Variants in ACO2 observed in about 807,000 individuals in gnomAD.
ACO2 encodes the protein aconitase 2.
A neutral mutation model predicts 84.5 loss-of-function variants in ACO2; 31 were observed. The observed-to-expected ratio is 0.37, with a 90% confidence interval of 0.28 to 0.50. The LOEUF (loss-of-function observed/expected upper bound fraction) is 0.50, where lower values mean the gene tolerates loss of function less well. Ranked by LOEUF, ACO2 falls within the 20% of genes least tolerant of loss-of-function variation. The probability of loss-of-function intolerance (pLI) is 0.97; values close to 1 mark genes in which losing one functional copy is unlikely to be tolerated. For synonymous variants in ACO2, 414 were observed against 412.7 expected, an observed-to-expected ratio of 1.00 and a Z score of -0.04; for missense variants, 685 against 1,029.3, an observed-to-expected ratio of 0.67 and a Z score of 4.58.
At chr22:41,528,259 A>G (rs773313296) in intron 17 of ACO2, 1 of 841,562 alleles carries the variant, frequency 1.2e-6, no homozygotes, top group Non-Finnish European at 1.8e-6. Flanking sequence ...CCTGGCACTC[A>G]GGGGACAGCC....
intron 11 of ACO2, among the ~76,000 whole-genome samples, 199 bp downstream of exon 11, chr22:41,523,477 G>A (rs2066544510): frequency 6.6e-6 from 1 of 152,218 alleles, no homozygotes; most frequent in Admixed American, 6.5e-5. Context: ...CAGAGGCACT[G>A]GGGGGCAACT....
chr22:41,527,140 C>A, intron 15 of ACO2, 148 bp from the exon 16 acceptor site: 1 of 1,182,862 alleles, frequency 8.5e-7, no homozygotes, highest in Admixed American at 2.3e-5. Context: ...TGCCCTTAGG[C>A]AGCAGGCGAG....
chr22:41,473,437 G>A (rs1466545120), intron 1 of ACO2, among the ~76,000 whole-genome samples: 7 of 152,190 alleles, frequency 4.6e-5, no homozygotes, highest in Non-Finnish European at 1.0e-4. Context: ...CCAGGAGGTG[G>A]AGGTTGCAGT....
At chr22:41,523,808 C>G (rs1190277919) in intron 11 of ACO2, 22 bp from the exon 12 acceptor site, 1 of 1,601,508 alleles carries the variant, frequency 6.2e-7, no homozygotes, top group African/African-American at 1.3e-5. Context: ...TATCCCTAAC[C>G]CTGATCCCTC....
At chr22:41,523,120 C>T in intron 10 of ACO2, 85 bp from the exon 11 acceptor site, 1 of 1,534,798 alleles carries the variant, frequency 6.5e-7, no homozygotes. Context: ...TCCAGTACAG[C>T]ACTTCGTCCT....
chr22:41,517,457 G>A, intron 6 of ACO2, 70 bp from the exon 7 acceptor site: 2 of 1,228,814 alleles, frequency 1.6e-6, no homozygotes. Context: ...AGATGCAGGT[G>A]GCCGCGTAGC....
intron 1 of ACO2, among the ~76,000 whole-genome samples, chr22:41,490,704 TA>T (rs1383264825): frequency 1.3e-5 from 2 of 152,208 alleles, no homozygotes; most frequent in African/African-American, 4.8e-5. Flanking sequence ...ACAGTCTAAC[TA>T]AAAGCATCTA....
intron 12 of ACO2, among the ~76,000 whole-genome samples, chr22:41,524,451 C>G (rs1422985921): frequency 6.6e-6 from 1 of 152,216 alleles, no homozygotes; most frequent in East Asian, 1.9e-4. Flanking sequence ...TCTGCGTGTT[C>G]TACAAATATG....
chr22:41,527,588 T>C, intron 16 of ACO2, 168 bp downstream of exon 16: 1 of 1,008,598 alleles, frequency 9.9e-7, no homozygotes. Context: ...CATCCGACGC[T>C]CAGCTTCCCG....
In ACO2 at chr22:41,514,477, C is replaced by G. The variant is rs137894469; in HGVS notation, c.526-900C>G. On this transcript the variant is annotated intron_variant, in intron 4 of 17. Transcript: ENST00000216254. The stretch of plus-strand genomic sequence containing the variant: ...GGAAACTGAGCTCCGAGAGAAGTGA[C>G]TTGTCCATGGTCCCACAACAACTAG... 1.7e-3 allele frequency among the ~76,000 whole-genome samples: 266 copies of G among 152,342 alleles called. 3 individuals are homozygous for G. The Middle Eastern group carries it at 0.027, about 16-fold the overall frequency.
intron 1 of ACO2, among the ~76,000 whole-genome samples, chr22:41,474,052 G>C (rs187717040): frequency 6.6e-6 from 1 of 152,258 alleles, no homozygotes; most frequent in South Asian, 2.1e-4. Context: ...GTCAAAAGGA[G>C]GAGGCAGGGA....
In ACO2 at chr22:41,512,155, T is replaced by A; in HGVS notation, c.525+187T>A. On this transcript the variant is annotated intron_variant, in intron 4 of 17. Transcript: ENST00000216254. ...ATTATGTCATTATACGTGCTCATTTTCTGGGTGAGAAGTTAAAATAATACC... is the reference window on the plus strand; with the variant it reads ...ATTATGTCATTATACGTGCTCATTTACTGGGTGAGAAGTTAAAATAATACC... 3 of 513,398 alleles carry A rather than the reference T, an allele frequency of 5.8e-6. No individual in the cohort carries two copies. The South Asian group carries it at 8.0e-5, about 14-fold the overall frequency. 31.8% of individuals were successfully genotyped at this position (513,398 alleles called of 1,614,324 possible).
intron 15 of ACO2, chr22:41,526,762 A>AG (rs1435647399): frequency 5.5e-6 from 2 of 363,926 alleles, no homozygotes; most frequent in Non-Finnish European, 1.0e-5. Context: ...AAGCTCAGAG[A>AG]GGGGGCTACA....
chr22:41,525,424 G>T, intron 14 of ACO2, 76 bp downstream of exon 14: 1 of 1,561,902 alleles, frequency 6.4e-7, no homozygotes, highest in Non-Finnish European at 8.7e-7. Flanking sequence ...GAAGGGCCAT[G>T]AACCTGGAGG....
intron 17 of ACO2, 130 bp downstream of exon 17, chr22:41,528,152 G>C: frequency 7.8e-6 from 11 of 1,415,182 alleles, no homozygotes; most frequent in Non-Finnish European, 1.1e-5. Flanking sequence ...AGTTCTCCAG[G>C]TGGCCCCACA....
In ACO2 at chr22:41,522,903, G is replaced by C; in HGVS notation, c.1212G>C (p.Leu404=). The part of the protein sequence containing the change: ...GRSAAVAKQA[L]AHGLKCKSQF... ...CAGCAGCTGTGGCCAAGCAGGCACTGGCCCATGGCCTCAAGTGCAAGTCCC... is the reference window on the plus strand; with the variant it reads ...CAGCAGCTGTGGCCAAGCAGGCACTCGCCCATGGCCTCAAGTGCAAGTCCC... The change falls in exon 10 of 18, where the codon CTG becomes CTC. Residue 404 remains leucine (L), a synonymous_variant. Coordinates refer to ENST00000216254, the MANE Select transcript of ACO2 (RefSeq NM_001098.3). 6.2e-7 allele frequency: 1 copy of C among 1,614,202 alleles called. No individual in the cohort carries two copies. The highest frequency in any genetic ancestry group is 1.1e-5 in the South Asian group (1 of 91,088).
chr22:41,491,092 A>G (rs1233270896), intron 1 of ACO2, among the ~76,000 whole-genome samples: 4 of 151,966 alleles, frequency 2.6e-5, no homozygotes, highest in Non-Finnish European at 4.4e-5. Context: ...TTGGAGTTTG[A>G]TGGATCAACT....
intron 1 of ACO2, among the ~76,000 whole-genome samples, chr22:41,486,637 A>G (rs991946832): frequency 6.6e-5 from 10 of 150,524 alleles, no homozygotes; most frequent in South Asian, 6.3e-4. Context: ...TGCCCGGCCA[A>G]TTTTTTGTAT....
chr22:41,469,321 C>T (rs2037910314), intron 1 of ACO2, 139 bp downstream of exon 1: 1 of 1,025,912 alleles, frequency 9.7e-7, no homozygotes, highest in Admixed American at 3.1e-5. Context: ...GGGCCCGGCA[C>T]CCGTGCCCGC....
Sources: gnomAD v4.1 joint callset for allele counts (sites outside exome capture counted in the v4.1 genomes callset) on GRCh38, gnomAD v4.1.1 for gene constraint, MANE v1.5 for transcripts, NCBI Gene and HGNC (gene_info 2026-07-23, HGNC 2026-07-21) for gene names.